The following SLC4A4 variants were observed in gnomAD, a reference collection of about 807,000 sequenced individuals.
SLC4A4 encodes electrogenic sodium bicarbonate cotransporter 1.
In SLC4A4, 27 loss-of-function variants were observed where a neutral mutation model predicts 111.5. The ratio of observed to expected loss-of-function variants is 0.24; its 90% CI spans 0.18 to 0.33. The LOEUF is 0.33. SLC4A4 is among the 10% of genes least tolerant of loss of function. The pLI is 1.00. For synonymous variants in SLC4A4, 443 were observed against 463.4 expected, an observed-to-expected ratio of 0.96 and a Z score of 0.57; for missense variants, 909 against 1,315.5, an observed-to-expected ratio of 0.69 and a Z score of 4.78.
At chr4:71,397,258 T>C (rs1488507952) in intron 6 of SLC4A4, among the ~76,000 whole-genome samples, 1 of 152,222 alleles carries the variant, frequency 6.6e-6, no homozygotes, top group Non-Finnish European at 1.5e-5. Context: ...TAAAGGGCAA[T>C]GACAAAGAGT....
At chr4:71,236,213 C>T in intron 1 of SLC4A4, 1 of 1,092,910 alleles carries the variant, frequency 9.1e-7, no homozygotes. Context: ...ACTCCAGACA[C>T]ACCAAACTTC....
At chr4:71,294,574 C>T (rs745437673) in intron 3 of SLC4A4, among the ~76,000 whole-genome samples, 5 of 152,148 alleles carry the variant, frequency 3.3e-5, no homozygotes, top group Admixed American at 1.3e-4. Context: ...GGAGAGCATT[C>T]CCGAACTCAT....
intron 15 of SLC4A4, among the ~76,000 whole-genome samples, chr4:71,495,619 ATG>A (rs544517015): frequency 6.0e-4 from 92 of 152,246 alleles, no homozygotes; most frequent in African/African-American, 2.1e-3. Context: ...CTATAAAAAA[ATG>A]AACTCTTTCT....
chr4:71,286,866 A>G (rs1292364132), intron 3 of SLC4A4, among the ~76,000 whole-genome samples: 1 of 152,088 alleles, frequency 6.6e-6, no homozygotes, highest in Non-Finnish European at 1.5e-5. Flanking sequence ...CTCTCTCTGA[A>G]TCTTTATAAA....
At chr4:71,119,681 G>A (rs1365824190) in intron 2 of SLC4A4, among the ~76,000 whole-genome samples, 1 of 152,090 alleles carries the variant, frequency 6.6e-6, no homozygotes, top group African/African-American at 2.4e-5. Context: ...CTTGAATCTG[G>A]CTTGAAATCT....
At chr4:71,536,494 ATTTATTTATTTATT>A (rs1734508789) in intron 18 of SLC4A4, among the ~76,000 whole-genome samples, 1 of 124,506 alleles carries the variant, frequency 8.0e-6, no homozygotes, top group Non-Finnish European at 1.7e-5. Context: ...ATATGTATAT[ATTTATTTATTTATT>A]TATTTTTAGA....
intron 1 of SLC4A4, among the ~76,000 whole-genome samples, chr4:71,199,939 C>G (rs1030786526): frequency 1.4e-5 from 2 of 148,048 alleles, no homozygotes; most frequent in African/African-American, 5.2e-5. Context: ...GCGTGAACCA[C>G]TGTGTCCAGC....
intron 3 of SLC4A4, among the ~76,000 whole-genome samples, chr4:71,338,615 A>G (rs1728622671): frequency 7.5e-6 from 1 of 133,114 alleles, no homozygotes; most frequent in Non-Finnish European, 1.6e-5. Flanking sequence ...GGGAAATTCT[A>G]GTTAATTTTT....
chr4:71,171,762 C>G (rs147210716), intron 2 of SLC4A4, among the ~76,000 whole-genome samples: 48 of 152,276 alleles, frequency 3.2e-4, no homozygotes, highest in African/African-American at 1.1e-3. Flanking sequence ...CTTGATTACT[C>G]TGGTCTTTAT....
intron 3 of SLC4A4, among the ~76,000 whole-genome samples, chr4:71,272,552 T>C (rs1722772755): frequency 6.6e-6 from 1 of 152,144 alleles, no homozygotes; most frequent in South Asian, 2.1e-4. Context: ...AAAATGGATC[T>C]GGACTCTTGT....
At chr4:71,553,276 C>A (rs1263838691) in intron 20 of SLC4A4, among the ~76,000 whole-genome samples, 2 of 151,782 alleles carry the variant, frequency 1.3e-5, no homozygotes, top group Non-Finnish European at 2.9e-5. Context: ...GTTACTGATA[C>A]CTTCTGATTT....
At position 71,070,999 on chromosome 4, in the gene SLC4A4, G is replaced by C. The variant is rs193078200; in HGVS notation, c.-65+8211G>C. Among the ~76,000 whole-genome samples the C allele has an allele frequency of 2.4e-3, 359 of 152,272 alleles. 3 individuals are homozygous for C. Among genetic ancestry groups the C allele is most frequent in the African/African-American group, 8.4e-3 (347 of 41,554 alleles). On this transcript the variant is annotated intron_variant, in intron 1 of 26. Coordinates refer to the SLC4A4 transcript ENST00000649996. ...AAAATAAGTTGTCTTGGCTGGGTGT[G>C]GTGGCTCACGCCTATTATCCCAGCA... is the stretch of plus-strand genomic sequence containing the variant.
chr4:71,308,399 C>T (rs1017939533), intron 3 of SLC4A4, among the ~76,000 whole-genome samples: 1 of 152,172 alleles, frequency 6.6e-6, no homozygotes, highest in Admixed American at 6.5e-5. Flanking sequence ...GTTACTGGCA[C>T]ATAATAGTCA....
At chr4:71,124,711 T>G (rs1487114892) in intron 2 of SLC4A4, among the ~76,000 whole-genome samples, 1 of 152,208 alleles carries the variant, frequency 6.6e-6, no homozygotes, top group Non-Finnish European at 1.5e-5. Context: ...CTTTAATATC[T>G]CTCTCCTGCT....
chr4:71,192,073 T>C (rs1004001114), intron 1 of SLC4A4, among the ~76,000 whole-genome samples: 5 of 152,208 alleles, frequency 3.3e-5, no homozygotes, highest in Non-Finnish European at 5.9e-5. Context: ...CTTAATATAT[T>C]GAAGACGTCT....
At chr4:71,293,361 C>T (rs111547726) in intron 3 of SLC4A4, among the ~76,000 whole-genome samples, 3,884 of 151,290 alleles carry the variant, frequency 0.026, 190 homozygotes, top group African/African-American at 0.088. Context: ...GTCAGGAGTT[C>T]GAGACCAGCC....
chr4:71,218,166 TGA>T (rs1473648120), intron 1 of SLC4A4, among the ~76,000 whole-genome samples: 1 of 152,172 alleles, frequency 6.6e-6, no homozygotes, highest in East Asian at 1.9e-4. Flanking sequence ...CTTTAAGAAG[TGA>T]GTGATGTTTT....
At chr4:71,445,079 C>T (rs1319436839) in intron 8 of SLC4A4, among the ~76,000 whole-genome samples, 1 of 152,180 alleles carries the variant, frequency 6.6e-6, no homozygotes, top group African/African-American at 2.4e-5. Context: ...ATCTGTGTTA[C>T]TGAACCAATA....
intron 3 of SLC4A4, among the ~76,000 whole-genome samples, chr4:71,294,664 C>A (rs1041853237): frequency 1.3e-5 from 2 of 152,164 alleles, no homozygotes; most frequent in African/African-American, 4.8e-5. Context: ...CCATCAATTA[C>A]AGAAGACACA....
Sources: allele counts gnomAD v4.1 joint callset (sites outside exome capture counted in the v4.1 genomes callset), GRCh38; gene constraint gnomAD v4.1.1; transcripts MANE v1.5; gene names NCBI Gene and HGNC (gene_info 2026-07-23, HGNC 2026-07-21).